ANKRD27: variants seen among roughly 807,000 people sequenced by gnomAD.
ANKRD27 encodes the protein ankyrin repeat domain 27.
A neutral mutation model predicts 129.7 loss-of-function variants in ANKRD27; 112 were observed. That is an observed-to-expected ratio of 0.86 (90% CI 0.74 to 1.01). The LOEUF is 1.01. ANKRD27 is among the 50% of genes least tolerant of loss of function. The pLI is 0.00. For missense variants in ANKRD27, 1,258 were observed against 1,300.5 expected (o/e 0.97, Z 0.50); for synonymous variants, 516 against 511.2 (o/e 1.01, Z -0.13).
intron 1 of ANKRD27, among the ~76,000 whole-genome samples, chr19:32,665,782 A>G (rs920810802): frequency 6.8e-5 from 10 of 148,074 alleles, no homozygotes; most frequent in Admixed American, 6.1e-4. Context: ...GTTTTTCGAG[A>G]CAGAGGTCTT....
Position 32,622,726 on chromosome 19 carries a change from A to T in ANKRD27, c.1630-107T>A. 7 of 999,112 alleles carry T rather than the reference A, an allele frequency of 7.0e-6. No individual in the cohort carries two copies. In the South Asian group the frequency reaches 9.4e-5, roughly 13 times the overall value. The allele number at this position is 999,112 out of a possible 1,614,324, so 61.9% of individuals were successfully genotyped here. A position where few individuals can be genotyped will look rare whatever the true frequency, so the allele number is the denominator to read the frequency against. The stretch of plus-strand genomic sequence containing the variant: ...AAGCAAATGTGCAGTAACAGACAGA[A>T]CTCAGAAGTGTCACAGTATCTGATC... On this transcript the variant is annotated intron_variant, in intron 17 of 28. Coordinates refer to ENST00000306065, the MANE Select transcript of ANKRD27 (RefSeq NM_032139.3).
At chr19:32,618,948 A>C (rs2145273603) in intron 20 of ANKRD27, among the ~76,000 whole-genome samples, 1 of 152,330 alleles carries the variant, frequency 6.6e-6, no homozygotes, top group East Asian at 1.9e-4. Context: ...ATCTGAAATC[A>C]GCGGACTTCT....
chr19:32,597,862 T>C lies in ANKRD27; in HGVS notation c.*283A>G. 2.1e-6 allele frequency: 1 copy of C among 469,028 alleles called. No individual in the cohort carries two copies. The highest frequency in any genetic ancestry group is 3.9e-6 in the Non-Finnish European group (1 of 256,332). The allele number at this position is 469,028 out of a possible 1,614,324, so 29.1% of individuals were successfully genotyped here. A position where few individuals can be genotyped will look rare whatever the true frequency, so the allele number is the denominator to read the frequency against. ...TCCCACTGTGACCAACAAACCCTCA[T>C]ACTTAAAAAGAAGCATGCACCTCTG... is the stretch of plus-strand genomic sequence containing the variant. On this transcript the variant is annotated 3_prime_UTR_variant, in exon 29 of 29. Transcript: ENST00000306065.
intron 22 of ANKRD27, among the ~76,000 whole-genome samples, chr19:32,613,852 G>A (rs916803621): frequency 2.0e-5 from 3 of 151,986 alleles, no homozygotes; most frequent in Admixed American, 6.6e-5. Context: ...GGGACTAGAA[G>A]CGCCCGCCAC....
rs748522515 is a variant in ANKRD27, at chr19:32,604,274, A to C, written c.2644T>G (p.Cys882Gly). The C allele has an allele frequency of 6.2e-7, 1 of 1,608,906 alleles. No individual in the cohort carries two copies. Among genetic ancestry groups the C allele is most frequent in the South Asian group, 1.1e-5 (1 of 90,886 alleles). The change falls in exon 25 of 29, where the codon TGT becomes GGT. Residue 882 changes from cysteine to glycine, a missense_variant. Coordinates refer to ENST00000306065, the MANE Select transcript of ANKRD27 (RefSeq NM_032139.3). ...LNKRQRTAVD[C>G]AEQNSKIMEL... is the part of the protein sequence containing the mutation. The stretch of plus-strand genomic sequence containing the variant: ...CCCTCTCCACCTACCTGTTCAGCAC[A>C]GTCTACAGCCGTGCGCTGCCGCTTG...
chr19:32,602,553 G>A (rs1048361731), intron 25 of ANKRD27, among the ~76,000 whole-genome samples: 6 of 152,022 alleles, frequency 3.9e-5, no homozygotes, highest in African/African-American at 1.2e-4. Context: ...GAGCCCAGGT[G>A]TTCAAGACTA....
Position 32,631,567 on chromosome 19 carries a change from C to T in ANKRD27, c.1117-73G>A, listed in dbSNP as rs956902434. The T allele has an allele frequency of 7.5e-6, 9 of 1,201,462 alleles. No homozygotes were observed. In the African/African-American group the frequency reaches 9.0e-5, roughly 12 times the overall value. The allele number at this position is 1,201,462 out of a possible 1,614,324, so 74.4% of individuals were successfully genotyped here. A position where few individuals can be genotyped will look rare whatever the true frequency, so the allele number is the denominator to read the frequency against. Reference sequence around the variant, plus strand: ...TCAAAACCCAGCACCTCAGCAACAACCCCGGCTGTCTCTTCAGAGCAGTAT... The same window carrying T: ...TCAAAACCCAGCACCTCAGCAACAATCCCGGCTGTCTCTTCAGAGCAGTAT... On this transcript the variant is annotated intron_variant, in intron 12 of 28. Transcript: ENST00000306065.
intron 1 of ANKRD27, among the ~76,000 whole-genome samples, chr19:32,665,770 T>A (rs910995376): frequency 1.3e-5 from 2 of 151,716 alleles, no homozygotes; most frequent in Non-Finnish European, 2.9e-5. Flanking sequence ...GCCGTTTTTT[T>A]TGTTTTTCGA....
In ANKRD27 at chr19:32,598,458, T is replaced by G. The variant is rs1971603707; in HGVS notation, c.2920-80A>C. 5 of 1,295,062 alleles carry G rather than the reference T, an allele frequency of 3.9e-6. No individual in the cohort carries two copies. The African/African-American group carries it at 5.8e-5, about 15-fold the overall frequency. 80.2% of individuals were successfully genotyped at this position (1,295,062 alleles called of 1,614,324 possible). A position where few individuals can be genotyped will look rare whatever the true frequency, so the allele number is the denominator to read the frequency against. On this transcript the variant is annotated intron_variant, in intron 28 of 28. Transcript: ENST00000306065. ...AACCATGACAGTGACAGCTGCCCCT[T>G]AGTGCCTAGTGTCACATAATGTGCT...
At chr19:32,670,020 G>GA (rs1263792336) in intron 1 of ANKRD27, among the ~76,000 whole-genome samples, 1 of 149,420 alleles carries the variant, frequency 6.7e-6, no homozygotes, top group Admixed American at 6.7e-5. Context: ...GAAAGAAAAT[G>GA]AAAAAAACGG....
chr19:32,658,810 G>T, intron 2 of ANKRD27, 104 bp downstream of exon 2: 1 of 1,009,208 alleles, frequency 9.9e-7, no homozygotes. Context: ...CTGGGAGCTT[G>T]TTAAGCTGAG....
Position 32,631,392 on chromosome 19 carries a change from G to C in ANKRD27, c.1209+10C>G. The C allele has an allele frequency of 6.2e-7, 1 of 1,609,818 alleles. No individual in the cohort carries two copies. The highest frequency in any genetic ancestry group is 1.1e-5 in the South Asian group (1 of 90,978). On this transcript the variant is annotated intron_variant, in intron 13 of 28. Transcript: ENST00000306065. The stretch of plus-strand genomic sequence containing the variant: ...CCACATTTACCCACAGAGATGTCTT[G>C]GTATCTCACCTTAAACAGGCAGTCG...
intron 12 of ANKRD27, 160 bp downstream of exon 12, chr19:32,639,191 GTTCTC>G: frequency 1.3e-6 from 1 of 759,844 alleles, no homozygotes; most frequent in Non-Finnish European, 2.1e-6. Context: ...AGGGCTTGGT[GTTCTC>G]TTCACTGAGT....
At chr19:32,614,300 A>G (rs982522442) in intron 22 of ANKRD27, among the ~76,000 whole-genome samples, 6 of 152,150 alleles carry the variant, frequency 3.9e-5, no homozygotes, top group African/African-American at 1.4e-4. Context: ...CAATTCTAAA[A>G]CACTGGGCTA....
intron 1 of ANKRD27, among the ~76,000 whole-genome samples, chr19:32,667,309 T>C (rs1229388770): frequency 1.3e-5 from 2 of 152,242 alleles, no homozygotes; most frequent in Non-Finnish European, 2.9e-5. Context: ...AATGGCTCTC[T>C]TGCTAGTGTT....
chr19:32,614,330 G>C (rs1971880153), intron 22 of ANKRD27, among the ~76,000 whole-genome samples: 1 of 152,142 alleles, frequency 6.6e-6, no homozygotes, highest in South Asian at 2.1e-4. Context: ...GGCGGGGTGG[G>C]TTTCAATTTA....
At chr19:32,606,882 C>T (rs1350114906) in intron 23 of ANKRD27, among the ~76,000 whole-genome samples, 2 of 128,898 alleles carry the variant, frequency 1.6e-5, no homozygotes, top group Non-Finnish European at 3.1e-5. Context: ...GTGGGAGGAT[C>T]GCTTGAGCTC....
chr19:32,607,610 A>C, intron 23 of ANKRD27, 25 bp downstream of exon 23: 1 of 1,606,960 alleles, frequency 6.2e-7, no homozygotes, highest in African/African-American at 1.3e-5. Context: ...ACCCTGCTCC[A>C]CCACCCCCAA....
At chr19:32,661,040 A>T (rs1051288487) in intron 1 of ANKRD27, among the ~76,000 whole-genome samples, 1 of 151,890 alleles carries the variant, frequency 6.6e-6, no homozygotes, top group Non-Finnish European at 1.5e-5. Context: ...TCTACAAAAA[A>T]AGTTTTAAAA....
Sources: allele counts gnomAD v4.1 joint callset (sites outside exome capture counted in the v4.1 genomes callset), GRCh38; gene constraint gnomAD v4.1.1; transcripts MANE v1.5; gene names NCBI Gene and HGNC (gene_info 2026-07-23, HGNC 2026-07-21).